Variants in GOLGA6L2 observed in about 807,000 individuals in gnomAD.
The protein encoded by GOLGA6L2 is golgin subfamily A member 6-like protein 2.
GOLGA6L2 carries 30 observed loss-of-function variants against 35.9 expected under a neutral mutation model. The ratio of observed to expected loss-of-function variants is 0.83; its 90% CI spans 0.62 to 1.13. The LOEUF (loss-of-function observed/expected upper bound fraction) is 1.13, where lower values mean the gene tolerates loss of function less well. GOLGA6L2 is among the 50% of genes most tolerant of loss of function. The pLI, the probability that GOLGA6L2 is intolerant of heterozygous loss-of-function variation, is 0.00. For synonymous variants in GOLGA6L2, 297 were observed against 344.0 expected, an observed-to-expected ratio of 0.86 and a Z score of 1.51; for missense variants, 821 against 973.4, an observed-to-expected ratio of 0.84 and a Z score of 2.08.
In GOLGA6L2 at chr15:23,439,751, AG is replaced by A; in HGVS notation, c.2723del (p.Ser908PhefsTer70). Reference protein sequence around the residue: ...LRALPPSLQSSL With the variant: ...LRALPPSLQSXL ...ACTGCCAGTGTGGCTCATATTACAA[AG>A]AACTTTGGAGGGAGGGAGGCAGGGC... is the stretch of plus-strand genomic sequence containing the variant. On this transcript the variant is annotated frameshift_variant, in exon 8 of 8. Coordinates refer to ENST00000567107, the MANE Select transcript of GOLGA6L2 (RefSeq NM_001304388.2). LOFTEE classifies it high-confidence loss of function. 6.5e-7 allele frequency: 1 copy of A among 1,535,728 alleles called. No homozygotes were observed. The highest frequency in any genetic ancestry group is 8.7e-7 in the Non-Finnish European group (1 of 1,146,664).
At position 23,443,925 on chromosome 15, in the gene GOLGA6L2, C is replaced by G. The variant is rs1179772627; in HGVS notation, c.443G>C (p.Arg148Thr). Residue 148 changes from arginine (R) to threonine (T), a missense_variant, in exon 5 of 8, where the codon AGG becomes ACG. Transcript: ENST00000567107. ...TGAGACACAGCCCAAAGGACTCCCC[C>G]TAAAGGCCTGTGAAAGTGCCAGGTT... is the stretch of plus-strand genomic sequence containing the variant. ...SFNLALSQAFRGSPLGCVSTS... is the reference protein window; with the variant it reads ...SFNLALSQAFTGSPLGCVSTS... The G allele has an allele frequency of 3.9e-6, 6 of 1,553,022 alleles. No homozygotes were observed. In the African/African-American group the frequency reaches 5.4e-5, roughly 14 times the overall value.
chr15:23,439,414 T>G lies in GOLGA6L2; in HGVS notation c.*331A>C, dbSNP rs1596037658. ...GGTTTCGGCCACAAGGCCTGGCTAG[T>G]ATTTTACCACAATTTAAAGTAAATT... is the stretch of plus-strand genomic sequence containing the variant. On this transcript the variant is annotated 3_prime_UTR_variant, in exon 8 of 8. Coordinates refer to ENST00000567107, the MANE Select transcript of GOLGA6L2 (RefSeq NM_001304388.2). The G allele has an allele frequency of 2.0e-6, 1 of 488,116 alleles. No individual in the cohort carries two copies. Among genetic ancestry groups the G allele is most frequent in the Non-Finnish European group, 3.3e-6 (1 of 298,814 alleles). The allele number at this position is 488,116 out of a possible 1,614,324, so 30.2% of individuals were successfully genotyped here.
chr15:23,442,320 C>T, intron 6 of GOLGA6L2, 130 bp downstream of exon 6: 1 of 1,229,344 alleles, frequency 8.1e-7, no homozygotes, highest in Non-Finnish European at 1.1e-6. Flanking sequence ...ACAGCCGGCA[C>T]TAGAGCTTCC....
In GOLGA6L2 at chr15:23,441,846, T is replaced by A. The variant is rs2070697190; in HGVS notation, c.792+133A>T. The stretch of plus-strand genomic sequence containing the variant: ...AGATTTTTAGCACACTCTAGAGGAT[T>A]CTATGGTGGGACCAGAACAAGGACC... On this transcript the variant is annotated intron_variant, in intron 7 of 7. Transcript: ENST00000567107. 5 of 1,370,570 alleles carry A rather than the reference T, an allele frequency of 3.6e-6. No individual in the cohort carries two copies. The South Asian group carries it at 4.6e-5, about 13-fold the overall frequency. The allele number at this position is 1,370,570 out of a possible 1,614,324, so 84.9% of individuals were successfully genotyped here.
rs148619286 is a variant in GOLGA6L2, at chr15:23,442,430, C to T, written c.650+20G>A. On this transcript the variant is annotated intron_variant, in intron 6 of 7. Transcript: ENST00000567107. The stretch of plus-strand genomic sequence containing the variant: ...CGCTAAGGGCCCCCAGACCTCCCAT[C>T]CCACCTTCCCCCATCCTACGTGTTC... 12,112 of 1,593,162 alleles carry T rather than the reference C, an allele frequency of 7.6e-3. 70 individuals carry two copies. Among genetic ancestry groups the T allele is most frequent in the African/African-American group, 0.022 (1,606 of 74,608 alleles).
intron 5 of GOLGA6L2, among the ~76,000 whole-genome samples, chr15:23,443,527 A>C (rs965874449): frequency 6.6e-6 from 1 of 152,208 alleles, no homozygotes; most frequent in Non-Finnish European, 1.5e-5. Context: ...GCCACAGCCA[A>C]GTATGGGCAG....
rs1344479802 is a variant in GOLGA6L2, at chr15:23,447,136, T to C, written c.46A>G (p.Lys16Glu). Residue 16 changes from lysine to glutamate, a missense_variant, in exon 1 of 8, where the codon AAA becomes GAA. By Grantham distance (56) the Lys-to-Glu change is moderately conservative. Transcript: ENST00000567107. The part of the protein sequence containing the change: ...HLPPHPMMSE[K>E]TRQNKLAEAK... ...TCAGCCAATTTGTTCTGTCTGGTTT[T>C]TTCTGACATCATGGGGTGGGGAGGG... 1 of 1,601,964 alleles carries C rather than the reference T, an allele frequency of 6.2e-7. No individual in the cohort carries two copies.
intron 1 of GOLGA6L2, 89 bp downstream of exon 1, chr15:23,447,009 G>T: frequency 1.5e-6 from 1 of 649,108 alleles, no homozygotes; most frequent in Non-Finnish European, 2.7e-6. Context: ...TGTGCCTCTG[G>T]AATGGCATGG....
rs779488439 is a variant in GOLGA6L2, at chr15:23,443,795, C to A, written c.573G>T (p.Trp191Cys). Residue 191 changes from tryptophan (W) to cysteine (C), a missense_variant, in exon 5 of 8, where the codon TGG (tryptophan) becomes TGT (cysteine). Coordinates refer to ENST00000567107, the MANE Select transcript of GOLGA6L2 (RefSeq NM_001304388.2). ...GACTTACCCTGTCTGCCTTCTTGTG[C>A]CATGTGGACACAGCAGAGAGAGCCC... ...LQRALSAVST[W>C]HKKADRYIEE... 1 of 1,538,424 alleles carries A rather than the reference C, an allele frequency of 6.5e-7. No individual in the cohort carries two copies. Among genetic ancestry groups the A allele is most frequent in the East Asian group, 2.4e-5 (1 of 41,060 alleles).
rs2070727915 is a variant in GOLGA6L2, at chr15:23,443,936, T to C, written c.432A>G (p.Ser144=). Residue 144 remains serine, a synonymous_variant, in exon 5 of 8, where the codon TCA becomes TCG. Transcript: ENST00000567107. ...GTPSSFNLAL[S]QAFRGSPLGC... ...CCAAAGGACTCCCCCTAAAGGCCTG[T>C]GAAAGTGCCAGGTTGAAGGATGATG... is the stretch of plus-strand genomic sequence containing the variant. 1 of 1,557,128 alleles carries C rather than the reference T, an allele frequency of 6.4e-7. No individual in the cohort carries two copies.
chr15:23,442,251 C>T, intron 6 of GOLGA6L2, 131 bp from the exon 7 acceptor site: 1 of 1,223,244 alleles, frequency 8.2e-7, no homozygotes, highest in Non-Finnish European at 1.1e-6. Context: ...TTAAAAGTCC[C>T]AGGTGGCAGG....
chr15:23,444,842 C>T (rs553372801), intron 2 of GOLGA6L2, among the ~76,000 whole-genome samples: 12 of 151,778 alleles, frequency 7.9e-5, no homozygotes, highest in South Asian at 4.2e-4. Flanking sequence ...ACATAGGGGC[C>T]GGGGACGGTT....
In GOLGA6L2 at chr15:23,439,523, C is replaced by T. The variant is rs1402702714; in HGVS notation, c.*222G>A. The T allele has an allele frequency of 1.4e-6, 2 of 1,452,058 alleles. No individual in the cohort carries two copies. The highest frequency in any genetic ancestry group is 1.4e-5 in the African/African-American group (1 of 70,886). The allele number at this position is 1,452,058 out of a possible 1,614,324, so 89.9% of individuals were successfully genotyped here. The stretch of plus-strand genomic sequence containing the variant: ...CATGGCGGCTTATGCTTCTGTAGGC[C>T]TTGTTGACAGTGCCAACTTTTAGAT... On this transcript the variant is annotated 3_prime_UTR_variant, in exon 8 of 8. Coordinates refer to ENST00000567107, the MANE Select transcript of GOLGA6L2 (RefSeq NM_001304388.2).
At position 23,442,964 on chromosome 15, in the gene GOLGA6L2, T is replaced by G. The variant is rs548998268; in HGVS notation, c.592-456A>C. On this transcript the variant is annotated intron_variant, in intron 5 of 7. Coordinates refer to ENST00000567107, the MANE Select transcript of GOLGA6L2 (RefSeq NM_001304388.2). ...AATATTGCTATTGCTATTACTGTTA[T>G]TACTGCCACTGTTGGAACCTTTCTT... Among the ~76,000 whole-genome samples, 13 of 152,288 alleles carry G rather than the reference T, an allele frequency of 8.5e-5. No homozygotes were observed. In the East Asian group the frequency reaches 1.2e-3, roughly 14 times the overall value.
chr15:23,441,055 G>T lies in GOLGA6L2; in HGVS notation c.1420C>A (p.Gln474Lys). Reference protein sequence around the residue: ...ETMREQEEKMQKQEENMWEQE... With the variant: ...ETMREQEEKMKKQEENMWEQE... The stretch of plus-strand genomic sequence containing the variant: ...TCCCACATATTCTCCTCCTGCTTCT[G>T]CATCTTCTCCTCCTGCTCCCGCATC... The change falls in exon 8 of 8, where the codon CAG (glutamine) becomes AAG (lysine). Residue 474 changes from glutamine to lysine, a missense_variant. This residue lies in a region of GOLGA6L2 where 614 missense variants were observed against 632.3 expected (regional missense o/e 0.97). Transcript: ENST00000567107. 1.3e-6 allele frequency: 2 copies of T among 1,530,332 alleles called. No homozygotes were observed. The highest frequency in any genetic ancestry group is 2.5e-5 in the East Asian group (1 of 40,146). 94.8% of individuals were successfully genotyped at this position (1,530,332 alleles called of 1,614,324 possible).
intron 1 of GOLGA6L2, among the ~76,000 whole-genome samples, chr15:23,445,729 A>G (rs1301635539): frequency 2.0e-5 from 3 of 152,198 alleles, no homozygotes; most frequent in Admixed American, 6.5e-5. Context: ...AGTAGACAGG[A>G]AAGTGTACAC....
At chr15:23,444,357 T>A (rs1886724739) in intron 3 of GOLGA6L2, 114 bp downstream of exon 3, 2 of 1,481,966 alleles carry the variant, frequency 1.3e-6, no homozygotes, top group Non-Finnish European at 1.9e-6. Context: ...TGGGGTGGAA[T>A]CTTGGCGGTG....
chr15:23,441,688 A>T lies in GOLGA6L2; in HGVS notation c.793-6T>A. On this transcript the variant is annotated splice_region_variant and splice_polypyrimidine_tract_variant and intron_variant, in intron 7 of 7. Transcript: ENST00000567107. ...TGCAAAGTGTTGGTTTGAACCTCAA[A>T]AGGAAATAGACTTATGAACTAGCTA... The T allele has an allele frequency of 1.3e-6, 2 of 1,490,518 alleles. No homozygotes were observed. Among genetic ancestry groups the T allele is most frequent in the Non-Finnish European group, 1.8e-6 (2 of 1,125,144 alleles). The allele number at this position is 1,490,518 out of a possible 1,614,324, so 92.3% of individuals were successfully genotyped here.
At chr15:23,441,822 G>T in intron 7 of GOLGA6L2, 140 bp from the exon 8 acceptor site, 1 of 1,360,212 alleles carries the variant, frequency 7.4e-7, no homozygotes. Context: ...CAAATTTGTA[G>T]ATTTTTAGCA....
Sources: allele counts gnomAD v4.1 joint callset (sites outside exome capture counted in the v4.1 genomes callset), GRCh38; gene constraint gnomAD v4.1.1; regional missense constraint gnomAD v4.1.1; transcripts MANE v1.5; gene names NCBI Gene and HGNC (gene_info 2026-07-23, HGNC 2026-07-21).